Variants in SCP2 observed in about 807,000 individuals in gnomAD.
SCP2 encodes SCP-2/3-oxoacyl-CoA thiolase.
Under a neutral mutation model 71.4 loss-of-function variants are expected in SCP2, and 48 were observed. The observed-to-expected ratio is 0.67, with a 90% CI of 0.53 to 0.86. SCP2 has a LOEUF of 0.86. Ranked by LOEUF, SCP2 falls within the 40% of genes least tolerant of loss-of-function variation. The pLI is 0.00. For missense variants in SCP2, 560 were observed against 655.6 expected (o/e 0.85, Z 1.59); for synonymous variants, 220 against 218.1 (o/e 1.01, Z -0.08).
intron 12 of SCP2, among the ~76,000 whole-genome samples, chr1:53,020,331 A>G (rs1661632066): frequency 6.6e-6 from 1 of 152,210 alleles, no homozygotes; most frequent in Non-Finnish European, 1.5e-5. Context: ...TAACAAATTA[A>G]AAATATCTGC....
intron 12 of SCP2, among the ~76,000 whole-genome samples, chr1:53,018,312 A>G (rs1661483513): frequency 6.6e-6 from 1 of 152,260 alleles, no homozygotes; most frequent in South Asian, 2.1e-4. Flanking sequence ...ACATATATTT[A>G]TATCTGTATA....
At chr1:52,990,298 A>G (rs1354699841) in intron 11 of SCP2, among the ~76,000 whole-genome samples, 3 of 152,274 alleles carry the variant, frequency 2.0e-5, no homozygotes, top group East Asian at 1.9e-4. Flanking sequence ...CAGATAAACA[A>G]TAAAGGGTGA....
chr1:52,957,739 C>T (rs922460317), intron 5 of SCP2, among the ~76,000 whole-genome samples: 6 of 152,188 alleles, frequency 3.9e-5, no homozygotes, highest in African/African-American at 1.4e-4. Flanking sequence ...AAAGCCAATG[C>T]CAAACCCAAG....
Position 53,050,703 on chromosome 1 carries a change from G to A in SCP2, c.1643G>A (p.Ter548=), listed in dbSNP as rs1390058741. Residue 548 remains the stop codon, a stop_retained_variant, in exon 16 of 16, where the codon TGA becomes TAA. Transcript: ENST00000371514. ...CTTCAGCCAGGCAACGCTAAGCTCT[G>A]AAGAACTCCCTTTGGCTACTTTTGA... ...LQLQPGNAKL[*] 6.2e-7 allele frequency: 1 copy of A among 1,600,530 alleles called. No homozygotes were observed. The highest frequency in any genetic ancestry group is 1.3e-5 in the African/African-American group (1 of 74,564).
rs1210654199 is a variant in SCP2 at position 52,941,835 on chromosome 1, G to A, written c.109G>A (p.Asp37Asn). ...AGCTGAGAATTCAAGAGACTACCCT[G>A]ACTTGGCAGAAGAAGCAGGTAACAT... ...PGAENSRDYP[D>N]LAEEAGKKAL... Residue 37 changes from aspartate to asparagine, a missense_variant, in exon 2 of 16, where the codon GAC becomes AAC. Physicochemically the swap from Asp to Asn is conservative, Grantham distance 23 (BLOSUM62 1). This residue lies in a region of SCP2 where 513 missense variants were observed against 573.1 expected (regional missense o/e 0.90). Coordinates refer to ENST00000371514, the MANE Select transcript of SCP2 (RefSeq NM_002979.5). The A allele has an allele frequency of 1.2e-6, 2 of 1,606,996 alleles. No homozygotes were observed. Among genetic ancestry groups the A allele is most frequent in the Non-Finnish European group, 1.7e-6 (2 of 1,173,546 alleles).
chr1:52,944,870 C>T (rs950377262), intron 2 of SCP2, among the ~76,000 whole-genome samples: 21 of 151,808 alleles, frequency 1.4e-4, no homozygotes, highest in African/African-American at 4.8e-4. Flanking sequence ...TGGTCTTGAA[C>T]TCCTGACCTC....
intron 6 of SCP2, among the ~76,000 whole-genome samples, chr1:52,970,380 G>T (rs757574666): frequency 1.3e-5 from 2 of 152,120 alleles, no homozygotes; most frequent in African/African-American, 4.8e-5. Context: ...GTCCTGAGTC[G>T]CTGGGACTAC....
intron 6 of SCP2, among the ~76,000 whole-genome samples, chr1:52,962,547 C>T (rs1238420787): frequency 6.6e-6 from 1 of 152,102 alleles, no homozygotes; most frequent in Non-Finnish European, 1.5e-5. Flanking sequence ...CTTCTTATGG[C>T]CTATGAGCTT....
chr1:52,988,167 A>T (rs769533595), intron 11 of SCP2, 31 bp downstream of exon 11: 200 of 1,127,288 alleles, frequency 1.8e-4, no homozygotes, highest in Non-Finnish European at 2.5e-4. Context: ...CATACATTTT[A>T]AAATCATTTT....
chr1:53,032,980 T>C (rs1381319148), intron 13 of SCP2, among the ~76,000 whole-genome samples: 2 of 152,220 alleles, frequency 1.3e-5, no homozygotes, highest in Non-Finnish European at 2.9e-5. Flanking sequence ...TACAGTTAAC[T>C]TAAAATAATT....
intron 5 of SCP2, among the ~76,000 whole-genome samples, chr1:52,956,737 A>T (rs1318865939): frequency 6.6e-6 from 1 of 152,178 alleles, no homozygotes; most frequent in Non-Finnish European, 1.5e-5. Flanking sequence ...AAGTGAATAT[A>T]TAATGTTTAT....
At chr1:52,978,193 A>C (rs1371004185) in intron 8 of SCP2, 24 bp from the exon 9 acceptor site, 5 of 1,611,866 alleles carry the variant, frequency 3.1e-6, no homozygotes, top group Non-Finnish European at 4.2e-6. Context: ...CTGGGTGTGG[A>C]GAATTATTTT....
At chr1:52,997,384 G>T (rs1660008932) in intron 11 of SCP2, among the ~76,000 whole-genome samples, 2 of 152,190 alleles carry the variant, frequency 1.3e-5, no homozygotes, top group South Asian at 4.2e-4. Flanking sequence ...GGCCAGGCTG[G>T]TCTCAAACTC....
In SCP2 at chr1:52,980,550, T is replaced by C; in HGVS notation, c.973+7T>C. 6.2e-7 allele frequency: 1 copy of C among 1,612,244 alleles called. No homozygotes were observed. Among genetic ancestry groups the C allele is most frequent in the South Asian group, 1.1e-5 (1 of 91,044 alleles). On this transcript the variant is annotated splice_region_variant and intron_variant, in intron 10 of 15. Transcript: ENST00000371514. ...CTGGGACTCTGTCCAGAAGGTAACA[T>C]CTTTGAATAGGGCAGATTAATTCAG...
intron 11 of SCP2, chr1:52,993,641 A>C (rs555499713): frequency 6.2e-7 from 1 of 1,612,296 alleles, no homozygotes; most frequent in Non-Finnish European, 8.5e-7. Flanking sequence ...TCTGTCATCT[A>C]TCACACACTG....
intron 8 of SCP2, among the ~76,000 whole-genome samples, chr1:52,977,732 G>A (rs915550963): frequency 7.9e-5 from 12 of 152,130 alleles, no homozygotes; most frequent in East Asian, 1.9e-4. Flanking sequence ...AGGCCGAGGC[G>A]GGCGGATCAC....
At chr1:53,016,664 G>C (rs925963579) in intron 12 of SCP2, among the ~76,000 whole-genome samples, 2 of 152,146 alleles carry the variant, frequency 1.3e-5, no homozygotes, top group Admixed American at 1.3e-4. Context: ...AAAATACAAG[G>C]AGGTTTGACA....
At chr1:52,951,464 G>A (rs753438410) in intron 4 of SCP2, among the ~76,000 whole-genome samples, 1 of 148,992 alleles carries the variant, frequency 6.7e-6, no homozygotes, top group Non-Finnish European at 1.5e-5. Context: ...TTAGCCAGGC[G>A]TGGTGGTCCC....
At chr1:52,982,063 T>C (rs1023539828) in intron 10 of SCP2, among the ~76,000 whole-genome samples, 1 of 152,150 alleles carries the variant, frequency 6.6e-6, no homozygotes, top group Non-Finnish European at 1.5e-5. Flanking sequence ...TTTTCTTCTT[T>C]GTTTATCCCA....
Sources: allele counts gnomAD v4.1 joint callset (sites outside exome capture counted in the v4.1 genomes callset), GRCh38; gene constraint gnomAD v4.1.1; regional missense constraint gnomAD v4.1.1; transcripts MANE v1.5; gene names NCBI Gene and HGNC (gene_info 2026-07-23, HGNC 2026-07-21).